The following NPC1 variants were observed in gnomAD, a reference collection of about 807,000 sequenced individuals.
The protein encoded by NPC1 is NPC intracellular cholesterol transporter 1.
Under a neutral mutation model 140.4 loss-of-function variants are expected in NPC1, and 85 were observed. The observed-to-expected ratio is 0.61, with a 90% CI of 0.51 to 0.72. The LOEUF is 0.72. Among genes scored for constraint, NPC1 ranks in the 30% least tolerant of loss-of-function variants. The probability of loss-of-function intolerance (pLI) is 0.00; values close to 1 mark genes in which losing one functional copy is unlikely to be tolerated. For synonymous variants in NPC1, 656 were observed against 624.8 expected, an observed-to-expected ratio of 1.05 and a Z score of -0.74; for missense variants, 1,504 against 1,623.8, an observed-to-expected ratio of 0.93 and a Z score of 1.27.
chr18:23,567,373 T>G (rs2059140615), intron 4 of NPC1, among the ~76,000 whole-genome samples: 1 of 152,208 alleles, frequency 6.6e-6, no homozygotes, highest in South Asian at 2.1e-4. Context: ...TAATTTGTAA[T>G]TCTCTAATGA....
At chr18:23,545,582 A>T (rs895512811) in intron 11 of NPC1, among the ~76,000 whole-genome samples, 2 of 151,990 alleles carry the variant, frequency 1.3e-5, no homozygotes, top group Non-Finnish European at 1.5e-5. Context: ...CTGCATTAGG[A>T]TCCTTTGTTT....
chr18:23,508,048 C>T lies in NPC1; in HGVS notation c.432-1406G>A, dbSNP rs376959186. ...ATACACACAGGAGTGCAAGGTATGACCCCAGGCCCTTTCTCAGCTGCTGGT... is the reference window on the plus strand; with the variant it reads ...ATACACACAGGAGTGCAAGGTATGATCCCAGGCCCTTTCTCAGCTGCTGGT... On this transcript the variant is annotated intron_variant, in intron 3 of 3. Transcript: ENST00000591107. The T allele has an allele frequency of 1.2e-5, 19 of 1,601,562 alleles. No individual in the cohort carries two copies. The African/African-American group carries it at 2.1e-4, about 18-fold the overall frequency.
At position 23,539,849 on chromosome 18, in the gene NPC1, C is replaced by T; in HGVS notation, c.2757G>A (p.Leu919=). ...GCGCCGCGTTAAATATCTGCTGCACCAGGGAATCATTGTTGCAGCCCATGC... is the reference window on the plus strand; with the variant it reads ...GCGCCGCGTTAAATATCTGCTGCACTAGGGAATCATTGTTGCAGCCCATGC... ...CGGMGCNNDS[L]VQQIFNAAQL... Residue 919 remains leucine, a synonymous_variant, in exon 18 of 25, where the codon CTG becomes CTA. Transcript: ENST00000269228. 1 of 1,614,178 alleles carries T rather than the reference C, an allele frequency of 6.2e-7. No homozygotes were observed. Among genetic ancestry groups the T allele is most frequent in the South Asian group, 1.1e-5 (1 of 91,082 alleles).
intron 3 of NPC1, among the ~76,000 whole-genome samples, chr18:23,510,315 C>T (rs2057818815): frequency 6.7e-6 from 1 of 150,316 alleles, no homozygotes; most frequent in South Asian, 2.1e-4. Flanking sequence ...ACAGTGAGAC[C>T]CCATCTCAAA....
At position 23,586,467 on chromosome 18, in the gene NPC1, C is replaced by G. The variant is rs1034374291; in HGVS notation, c.-124G>C. 51 of 1,461,252 alleles carry G rather than the reference C, an allele frequency of 3.5e-5. No individual in the cohort carries two copies. Among genetic ancestry groups the G allele is most frequent in the Non-Finnish European group, 3.8e-5 (42 of 1,113,556 alleles). 90.5% of individuals were successfully genotyped at this position (1,461,252 alleles called of 1,614,324 possible). A position where few individuals can be genotyped will look rare whatever the true frequency, so the allele number is the denominator to read the frequency against. ...GGAGGAGCGGAGGAGCAGGAGCAGG[C>G]GCTGACCGCGGCAGCAGGCTGCGCG... On this transcript the variant is annotated 5_prime_UTR_variant, in exon 1 of 25. Transcript: ENST00000269228.
chr18:23,539,872 T>G lies in NPC1; in HGVS notation c.2734A>C (p.Met912Leu), dbSNP rs746398811. ...SKGQNMVCGG[M>L]GCNNDSLVQQ... ...ACCAGGGAATCATTGTTGCAGCCCA[T>G]GCCGCCGCACACCATGTTCTGCCCC... Residue 912 changes from methionine to leucine, a missense_variant, in exon 18 of 25, where the codon ATG becomes CTG. Physicochemically the swap from Met to Leu is conservative, Grantham distance 15. Transcript: ENST00000269228. 69 of 1,614,102 alleles carry G rather than the reference T, an allele frequency of 4.3e-5. No individual in the cohort carries two copies. Among genetic ancestry groups the G allele is most frequent in the Non-Finnish European group, 5.7e-5 (67 of 1,180,050 alleles).
intron 4 of NPC1, among the ~76,000 whole-genome samples, chr18:23,564,991 ATAT>A (rs1211433317): frequency 3.3e-5 from 5 of 152,300 alleles, no homozygotes; most frequent in South Asian, 2.1e-4. Flanking sequence ...GACCATAGAT[ATAT>A]TATTTATTCT....
chr18:23,554,575 C>T (rs996504514), intron 9 of NPC1, among the ~76,000 whole-genome samples, 183 bp downstream of exon 9: 10 of 150,902 alleles, frequency 6.6e-5, no homozygotes, highest in Non-Finnish European at 1.3e-4. Context: ...CACTGCACTC[C>T]AGCCTGGGCG....
intron 24 of NPC1, among the ~76,000 whole-genome samples, chr18:23,532,665 T>A (rs1379806810): frequency 4.0e-5 from 6 of 150,966 alleles, no homozygotes; most frequent in Non-Finnish European, 2.9e-5. Context: ...CAAACGATTC[T>A]CCTGTCTCAG....
At chr18:23,535,775 G>T in intron 21 of NPC1, 75 bp from the exon 22 acceptor site, 1 of 977,886 alleles carries the variant, frequency 1.0e-6, no homozygotes, top group Non-Finnish European at 1.6e-6. Flanking sequence ...TGTCACCACT[G>T]CCAAGTGGTC....
At chr18:23,544,092 T>C (rs560972140) in intron 13 of NPC1, among the ~76,000 whole-genome samples, 1 of 152,258 alleles carries the variant, frequency 6.6e-6, no homozygotes, top group South Asian at 2.1e-4. Flanking sequence ...AAGATACTAT[T>C]AAAAGACACT....
rs1045320866 is a variant in NPC1 at position 23,538,350 on chromosome 18, A to C, written c.3041+192T>G. ...GATGTGAATGCCCACGCTAAGACAG[A>C]ATCAGTTGAACACTATGAGGCATTT... is the stretch of plus-strand genomic sequence containing the variant. On this transcript the variant is annotated intron_variant, in intron 20 of 24. Transcript: ENST00000269228. Among the ~76,000 whole-genome samples, 3 of 152,234 alleles carry C rather than the reference A, an allele frequency of 2.0e-5. No homozygotes were observed. In the East Asian group the frequency reaches 5.8e-4, roughly 29 times the overall value.
chr18:23,532,806 AG>A, intron 24 of NPC1: 1 of 866,460 alleles, frequency 1.2e-6, no homozygotes, highest in Non-Finnish European at 1.4e-6. Context: ...CTTCTACTTC[AG>A]TGCTTCAATT....
intron 19 of NPC1, 94 bp from the exon 20 acceptor site, chr18:23,538,765 T>C: frequency 2.3e-6 from 3 of 1,325,750 alleles, no homozygotes; most frequent in South Asian, 1.2e-5. Context: ...GGCATTACTT[T>C]CTTCTCTATC....
intron 3 of NPC1, among the ~76,000 whole-genome samples, chr18:23,507,548 G>A (rs1248044018): frequency 6.6e-6 from 1 of 152,158 alleles, no homozygotes; most frequent in Non-Finnish European, 1.5e-5. Context: ...AGTTGAAGCA[G>A]CCTACAGGCA....
At position 23,523,772 on chromosome 18, in the gene NPC1, C is replaced by G. The variant is rs538599046; in HGVS notation, c.164-866G>C. 2.0e-5 allele frequency among the ~76,000 whole-genome samples: 3 copies of G among 152,234 alleles called. 1 individual carries two copies. In the South Asian group the frequency reaches 6.2e-4, roughly 32 times the overall value. The stretch of plus-strand genomic sequence containing the variant: ...ACAAGCCACATTTATTTGAAACATT[C>G]TCCGTGGATGATCTGGGTATTTGAT... On this transcript the variant is annotated intron_variant, in intron 1 of 1. Transcript: ENST00000590723.
chr18:23,516,246 G>A, intron 3 of NPC1: 1 of 1,518,240 alleles, frequency 6.6e-7, no homozygotes, highest in Non-Finnish European at 9.1e-7. Context: ...TATCCTTGTT[G>A]GTTTTACACA....
At chr18:23,578,833 C>T (rs1458549971) in intron 1 of NPC1, among the ~76,000 whole-genome samples, 1 of 152,230 alleles carries the variant, frequency 6.6e-6, no homozygotes, top group Non-Finnish European at 1.5e-5. Context: ...AAATGAAAAT[C>T]TCAGGCACCT....
At chr18:23,517,044 A>G (rs1372572691) in intron 3 of NPC1, among the ~76,000 whole-genome samples, 1 of 152,098 alleles carries the variant, frequency 6.6e-6, no homozygotes, top group African/African-American at 2.4e-5. Flanking sequence ...TTTTTTTAAA[A>G]GCTCAGTTAA....
Sources: allele counts gnomAD v4.1 joint callset (sites outside exome capture counted in the v4.1 genomes callset), GRCh38; gene constraint gnomAD v4.1.1; transcripts MANE v1.5; gene names NCBI Gene and HGNC (gene_info 2026-07-23, HGNC 2026-07-21).